The following CNTNAP5 variants were observed in gnomAD, a reference collection of about 807,000 sequenced individuals.
CNTNAP5 encodes contactin associated protein family member 5.
CNTNAP5 carries 72 observed loss-of-function variants against 150.2 expected under a neutral mutation model. That is an observed-to-expected ratio of 0.48 (90% CI 0.40 to 0.58). The LOEUF is 0.58. Ranked by LOEUF, CNTNAP5 falls within the 20% of genes least tolerant of loss-of-function variation. CNTNAP5 has a pLI of 0.00. For missense variants in CNTNAP5, 1,636 were observed against 1,626.2 expected, an observed-to-expected ratio of 1.01 and a Z score of -0.10; for synonymous variants, 672 against 619.8, an observed-to-expected ratio of 1.08 and a Z score of -1.25.
chr2:124,886,128 A>T (rs1678075212), intron 21 of CNTNAP5, among the ~76,000 whole-genome samples: 1 of 152,032 alleles, frequency 6.6e-6, no homozygotes, highest in South Asian at 2.1e-4. Flanking sequence ...CTTAAAGATG[A>T]TTCTGGTTGG....
At chr2:124,597,163 G>C (rs1389202274) in intron 11 of CNTNAP5, among the ~76,000 whole-genome samples, 1 of 148,016 alleles carries the variant, frequency 6.8e-6, no homozygotes, top group Non-Finnish European at 1.5e-5. Context: ...ATATTGTTAT[G>C]TGTGAATTTG....
In CNTNAP5 at chr2:124,764,053, T is replaced by C; in HGVS notation, c.2439T>C (p.Ser813=). 1 of 1,613,348 alleles carries C rather than the reference T, an allele frequency of 6.2e-7. No homozygotes were observed. Residue 813 remains serine, a synonymous_variant, in exon 16 of 24, where the codon AGT becomes AGC. Coordinates refer to ENST00000682447, the MANE Select transcript of CNTNAP5 (RefSeq NM_001367498.1). ...TTCCTACCTTCCATGCGGAATTCAG[T>C]GCCGATATTTCCTTCTTTTTTAAAA... ...LHFPTFHAEF[S]ADISFFFKTT...
intron 13 of CNTNAP5, among the ~76,000 whole-genome samples, chr2:124,746,492 A>T (rs1011197002): frequency 6.6e-6 from 1 of 152,184 alleles, no homozygotes; most frequent in African/African-American, 2.4e-5. Flanking sequence ...TATCAGCTTT[A>T]ACAGTGCTTT....
chr2:124,182,190 T>C (rs1387593293), intron 1 of CNTNAP5, among the ~76,000 whole-genome samples: 1 of 152,194 alleles, frequency 6.6e-6, no homozygotes, highest in Non-Finnish European at 1.5e-5. Context: ...TTTTCCTTTG[T>C]GACAGAAAAC....
intron 5 of CNTNAP5, among the ~76,000 whole-genome samples, chr2:124,435,272 G>A (rs536804129): frequency 1.2e-3 from 188 of 152,196 alleles, no homozygotes; most frequent in Non-Finnish European, 2.1e-3. Flanking sequence ...CACACAGTTA[G>A]GACATGGCCT....
chr2:124,408,277 C>T (rs1691643700), intron 3 of CNTNAP5, among the ~76,000 whole-genome samples: 1 of 152,128 alleles, frequency 6.6e-6, no homozygotes, highest in Non-Finnish European at 1.5e-5. Flanking sequence ...AGTCTGAGAT[C>T]AAACTGCAAG....
chr2:124,428,776 A>T (rs1692300421), intron 4 of CNTNAP5, among the ~76,000 whole-genome samples: 1 of 151,906 alleles, frequency 6.6e-6, no homozygotes, highest in Admixed American at 6.6e-5. Context: ...TGTGTATATT[A>T]GTTCCTTTTC....
At position 124,255,597 on chromosome 2, in the gene CNTNAP5, T is replaced by A. The variant is rs78171533; in HGVS notation, c.381+13204T>A. The stretch of plus-strand genomic sequence containing the variant: ...AATAAAATAAAATAATAATTTTTTT[T>A]TAAAAAGTAAATAAAAGCAATGGGA... On this transcript the variant is annotated intron_variant, in intron 3 of 23. Transcript: ENST00000682447. 3.6e-4 allele frequency among the ~76,000 whole-genome samples: 48 copies of A among 132,574 alleles called. 2 individuals are homozygous for A. Among genetic ancestry groups the A allele is most frequent in the Non-Finnish European group, 4.7e-4 (29 of 61,324 alleles). 87.0% of individuals were successfully genotyped at this position (132,574 alleles called of 152,430 possible).
chr2:124,107,903 A>G (rs1057312196), intron 1 of CNTNAP5, among the ~76,000 whole-genome samples: 3 of 152,222 alleles, frequency 2.0e-5, no homozygotes, highest in African/African-American at 7.2e-5. Context: ...TCTGTCTGGT[A>G]GCTGGGACAA....
intron 3 of CNTNAP5, among the ~76,000 whole-genome samples, chr2:124,275,680 A>G (rs1014153241): frequency 6.6e-6 from 1 of 152,060 alleles, no homozygotes. Flanking sequence ...TTTTTCTTAC[A>G]TTCTGCCAAG....
intron 4 of CNTNAP5, among the ~76,000 whole-genome samples, chr2:124,419,722 C>T (rs1692033519): frequency 6.6e-6 from 1 of 152,214 alleles, no homozygotes; most frequent in Non-Finnish European, 1.5e-5. Flanking sequence ...CAAGCAGGAA[C>T]CCTATAATCT....
chr2:124,913,424 C>G (rs780828773), intron 23 of CNTNAP5, among the ~76,000 whole-genome samples: 5 of 151,932 alleles, frequency 3.3e-5, no homozygotes, highest in Non-Finnish European at 5.9e-5. Context: ...CACACACAGT[C>G]AGAATAAAGG....
At chr2:124,777,042 A>C (rs905898879) in intron 17 of CNTNAP5, among the ~76,000 whole-genome samples, 1 of 152,074 alleles carries the variant, frequency 6.6e-6, no homozygotes, top group African/African-American at 2.4e-5. Context: ...AGAGGGTAAG[A>C]GACCTCTGAG....
Position 124,563,228 on chromosome 2 carries a change from ACTACTG to A in CNTNAP5, c.1662_1667del (p.Tyr555_Cys556del). The A allele has an allele frequency of 6.3e-7, 1 of 1,590,122 alleles. No homozygotes were observed. The highest frequency in any genetic ancestry group is 8.6e-7 in the Non-Finnish European group (1 of 1,166,674). The stretch of plus-strand genomic sequence containing the variant: ...TTTTCTTCCATTAGGTGTTTGCCAA[ACTACTG>A]TGAACATGGAGGAAGCTGCTCCCAG... On this transcript the variant is annotated inframe_deletion, in exon 11 of 24. Transcript: ENST00000682447.
At chr2:124,099,553 C>A (rs1346566519) in intron 1 of CNTNAP5, among the ~76,000 whole-genome samples, 3 of 152,140 alleles carry the variant, frequency 2.0e-5, no homozygotes, top group African/African-American at 7.2e-5. Flanking sequence ...TCAGTATAAC[C>A]TACGAGTTTG....
At chr2:124,608,139 T>C (rs1677296473) in intron 11 of CNTNAP5, among the ~76,000 whole-genome samples, 1 of 152,116 alleles carries the variant, frequency 6.6e-6, no homozygotes, top group Non-Finnish European at 1.5e-5. Context: ...GGGACATTAG[T>C]CACAAGGGGC....
At chr2:124,135,205 T>C (rs1326727627) in intron 1 of CNTNAP5, 2 of 152,240 alleles carry the variant, frequency 1.3e-5, no homozygotes, top group South Asian at 4.1e-4. Flanking sequence ...TTTCACCTTT[T>C]ATGAAGCGTT....
intron 3 of CNTNAP5, among the ~76,000 whole-genome samples, chr2:124,369,666 A>G (rs1690468495): frequency 6.6e-6 from 1 of 152,216 alleles, no homozygotes; most frequent in African/African-American, 2.4e-5. Flanking sequence ...TGTTCTTAAA[A>G]TAAAGACAAG....
chr2:124,297,849 A>G (rs1053170377), intron 3 of CNTNAP5, among the ~76,000 whole-genome samples: 26 of 124,182 alleles, frequency 2.1e-4, no homozygotes, highest in Non-Finnish European at 3.5e-4. Context: ...TATTATTATT[A>G]TTATTATTAT....
Sources: gnomAD v4.1 joint callset for allele counts (sites outside exome capture counted in the v4.1 genomes callset) on GRCh38, gnomAD v4.1.1 for gene constraint, MANE v1.5 for transcripts, NCBI Gene and HGNC (gene_info 2026-07-23, HGNC 2026-07-21) for gene names.